BPTF: variants seen among roughly 807,000 people sequenced by gnomAD.
The protein encoded by BPTF is nucleosome-remodeling factor subunit BPTF.
In BPTF, 18 loss-of-function variants were observed where a neutral mutation model predicts 292.5. That is an observed-to-expected ratio of 0.06 (90% confidence interval 0.04 to 0.09). The LOEUF is 0.09. Among genes scored for constraint, BPTF ranks in the 10% least tolerant of loss-of-function variants. The probability of loss-of-function intolerance (pLI) is 1.00; values close to 1 mark genes in which losing one functional copy is unlikely to be tolerated. For missense variants in BPTF, 2,726 were observed against 3,498.7 expected, an observed-to-expected ratio of 0.78 and a Z score of 5.57; for synonymous variants, 1,225 against 1,251.9, an observed-to-expected ratio of 0.98 and a Z score of 0.45.
intron 4 of BPTF, among the ~76,000 whole-genome samples, chr17:67,881,713 G>T (rs2060419007): frequency 6.6e-6 from 1 of 151,564 alleles, no homozygotes; most frequent in Non-Finnish European, 1.5e-5. Context: ...ATGTTGGCCA[G>T]GCTGGTCTTG....
chr17:67,891,770 GT>G, intron 4 of BPTF, 73 bp from the exon 5 acceptor site: 1 of 1,206,578 alleles, frequency 8.3e-7, no homozygotes, highest in Non-Finnish European at 1.1e-6. Context: ...CCAGATACGA[GT>G]TTTGGTGAAA....
chr17:67,830,598 T>C (rs1416989939), intron 1 of BPTF, among the ~76,000 whole-genome samples: 1 of 139,388 alleles, frequency 7.2e-6, no homozygotes, highest in Non-Finnish European at 1.5e-5. Flanking sequence ...GATGGGCATG[T>C]GGAGAGTAAG....
chr17:67,840,453 C>T (rs73350838), intron 1 of BPTF, among the ~76,000 whole-genome samples: 2,755 of 144,886 alleles, frequency 0.019, 91 homozygotes, highest in African/African-American at 0.064. Flanking sequence ...GTTGCTGCTG[C>T]TCCTCTTGTT....
Position 67,964,728 on chromosome 17 carries a change from T to G in BPTF, c.8454+324T>G, listed in dbSNP as rs113907307. Among the ~76,000 whole-genome samples the G allele has an allele frequency of 1.3e-4, 20 of 150,714 alleles. No homozygotes were observed. In the South Asian group the frequency reaches 3.7e-3, roughly 28 times the overall value. On this transcript the variant is annotated intron_variant, in intron 25 of 27. Coordinates refer to ENST00000306378, the MANE Select transcript of BPTF (RefSeq NM_182641.4). ...GATTATAGTTGTTCTTGGCCGGGCA[T>G]GGTGGCTCATGCCTGTAATCCCAGC...
chr17:67,892,078 T>G, intron 5 of BPTF, 44 bp downstream of exon 5: 1 of 1,370,250 alleles, frequency 7.3e-7, no homozygotes, highest in Non-Finnish European at 9.8e-7. Context: ...GAATGTGAGA[T>G]AATTTTAATT....
intron 4 of BPTF, among the ~76,000 whole-genome samples, chr17:67,883,878 C>T (rs983682484): frequency 2.0e-5 from 3 of 152,160 alleles, no homozygotes; most frequent in South Asian, 2.1e-4. Context: ...CGATTACAGG[C>T]GTGAACCACC....
rs796091334 is a variant in BPTF, at chr17:67,871,969, G to A, written c.1661-2848G>A. Reference sequence around the variant, plus strand: ...GCCTCCCAGGTAGCTGGGATTACAGGCGTGTGCCACCACACCTGGCTAATT... The same window carrying A: ...GCCTCCCAGGTAGCTGGGATTACAGACGTGTGCCACCACACCTGGCTAATT... On this transcript the variant is annotated intron_variant, in intron 3 of 27. Coordinates refer to ENST00000306378, the MANE Select transcript of BPTF (RefSeq NM_182641.4). 3.3e-5 allele frequency among the ~76,000 whole-genome samples: 5 copies of A among 152,090 alleles called. 1 individual carries two copies.
chr17:67,951,598 C>T (rs1456195854), intron 23 of BPTF: 1 of 152,046 alleles, frequency 6.6e-6, no homozygotes, highest in Non-Finnish European at 1.5e-5. Context: ...GGTCAGTTGC[C>T]CTTCAAAGCC....
intron 3 of BPTF, among the ~76,000 whole-genome samples, chr17:67,867,040 C>A (rs938823010): frequency 6.6e-6 from 1 of 152,200 alleles, no homozygotes; most frequent in South Asian, 2.1e-4. Context: ...TACGTATAAT[C>A]TTATGTGATC....
chr17:67,943,852 T>C (rs552774800), intron 19 of BPTF, among the ~76,000 whole-genome samples: 1 of 152,310 alleles, frequency 6.6e-6, no homozygotes, highest in South Asian at 2.1e-4. Context: ...ACTTTAGTTA[T>C]TCAATACCTT....
chr17:67,875,768 C>T (rs2060013553), intron 4 of BPTF: 1 of 1,500,950 alleles, frequency 6.7e-7, no homozygotes, highest in African/African-American at 1.4e-5. Context: ...CGTATCAATG[C>T]CTCTGTAATG....
chr17:67,949,643 A>G (rs1479991263), intron 23 of BPTF, among the ~76,000 whole-genome samples: 2 of 2,322 alleles, frequency 8.6e-4, no homozygotes, highest in Admixed American at 0.036. Context: ...ATACGTACAT[A>G]TATATATATA....
chr17:67,837,779 G>A (rs906811624), intron 1 of BPTF, among the ~76,000 whole-genome samples: 2 of 152,136 alleles, frequency 1.3e-5, no homozygotes, highest in African/African-American at 4.8e-5. Flanking sequence ...GGTGTTCTTG[G>A]ATACTGACTA....
At chr17:67,835,663 ATTTTTTTTTTT>A (rs142633440) in intron 1 of BPTF, among the ~76,000 whole-genome samples, 1 of 141,236 alleles carries the variant, frequency 7.1e-6, no homozygotes, top group South Asian at 2.2e-4. Context: ...AGTCCTGGTA[ATTTTTTTTTTT>A]TTTTTTTTTG....
intron 1 of BPTF, among the ~76,000 whole-genome samples, chr17:67,828,528 TTTTG>T (rs1197838650): frequency 6.6e-6 from 1 of 152,184 alleles, no homozygotes; most frequent in Non-Finnish European, 1.5e-5. Flanking sequence ...TTTTGTGACA[TTTTG>T]TTTTTCTTTT....
chr17:67,966,064 G>A (rs1555687161), intron 25 of BPTF: 1 of 155,378 alleles, frequency 6.4e-6, no homozygotes. Context: ...CAAAAAAGTG[G>A]GGGGAAATAA....
intron 1 of BPTF, among the ~76,000 whole-genome samples, chr17:67,852,632 A>G (rs936787756): frequency 6.6e-6 from 1 of 152,306 alleles, no homozygotes; most frequent in Non-Finnish European, 1.5e-5. Flanking sequence ...TCATTTGACT[A>G]TTTATGTATA....
At position 67,897,676 on chromosome 17, in the gene BPTF, A is replaced by T. The variant is rs117695516; in HGVS notation, c.2543+3511A>T. Reference sequence around the variant, plus strand: ...GGCAGAAGCCACACTCTTAGGCAGGAAAAGGATTTCTGGTTATCACTGCAC... The same window carrying T: ...GGCAGAAGCCACACTCTTAGGCAGGTAAAGGATTTCTGGTTATCACTGCAC... On this transcript the variant is annotated intron_variant, in intron 7 of 27. Transcript: ENST00000306378. Among the ~76,000 whole-genome samples the T allele has an allele frequency of 7.5e-3, 1,139 of 152,286 alleles. 16 individuals are homozygous for T. The highest frequency in any genetic ancestry group is 0.022 in the African/African-American group (922 of 41,548).
chr17:67,963,176 T>C (rs1427324663), intron 24 of BPTF, among the ~76,000 whole-genome samples: 3 of 152,152 alleles, frequency 2.0e-5, no homozygotes, highest in Non-Finnish European at 4.4e-5. Context: ...ATACTGGAGT[T>C]TGCCAGGAGT....
Sources: gnomAD v4.1 joint callset for allele counts (sites outside exome capture counted in the v4.1 genomes callset) on GRCh38, gnomAD v4.1.1 for gene constraint, MANE v1.5 for transcripts, NCBI Gene and HGNC (gene_info 2026-07-23, HGNC 2026-07-21) for gene names.